Variants in PLA1A observed in about 807,000 individuals in gnomAD.
PLA1A encodes the protein phospholipase A1 member A, also known as phosphatidylserine-specific phospholipase A1alpha.
In PLA1A, 47 loss-of-function variants were observed where a neutral mutation model predicts 49.4. The ratio of observed to expected loss-of-function variants is 0.95; its 90% CI spans 0.75 to 1.21. The LOEUF (loss-of-function observed/expected upper bound fraction) is 1.21, where lower values mean the gene tolerates loss of function less well. Among genes scored for constraint, PLA1A ranks in the 50% most tolerant of loss-of-function variants. The pLI is 0.00. For missense variants in PLA1A, 561 were observed against 563.9 expected (o/e 0.99, Z 0.05); for synonymous variants, 224 against 207.9 (o/e 1.08, Z -0.67).
At chr3:119,618,979 C>T (rs1451749280) in intron 7 of PLA1A, among the ~76,000 whole-genome samples, 2 of 152,204 alleles carry the variant, frequency 1.3e-5, no homozygotes, top group Non-Finnish European at 2.9e-5. Flanking sequence ...GTGCATATGT[C>T]AGTTTCCCCT....
rs1323697921 is a variant in PLA1A at position 119,598,002 on chromosome 3, G to C, written c.73+16G>C. On this transcript the variant is annotated intron_variant, in intron 1 of 10. Coordinates refer to ENST00000273371, the MANE Select transcript of PLA1A (RefSeq NM_015900.4). ...GGAAGTTCAGGTAAGCCAGGGCTCA[G>C]GCCTTGGGAGGAACTTATTTCAGTC... 1.3e-6 allele frequency: 2 copies of C among 1,523,128 alleles called. No homozygotes were observed. The highest frequency in any genetic ancestry group is 1.8e-6 in the Non-Finnish European group (2 of 1,105,282). The allele number at this position is 1,523,128 out of a possible 1,614,324, so 94.4% of individuals were successfully genotyped here. A position where few individuals can be genotyped will look rare whatever the true frequency, so the allele number is the denominator to read the frequency against.
rs1553795338 is a variant in PLA1A, at chr3:119,629,503, T to TTA, written c.*36_*37insAT. On this transcript the variant is annotated 3_prime_UTR_variant, in exon 11 of 11. Coordinates refer to ENST00000273371, the MANE Select transcript of PLA1A (RefSeq NM_015900.4). ...GGCAGGACACATCTCCCTGCATTTT[T>TTA]TTTTTTTTTTTGAGAGAGAGGTGTG... 2.8e-5 allele frequency: 33 copies of TTA among 1,193,860 alleles called. No homozygotes were observed. In the African/African-American group the frequency reaches 4.0e-4, roughly 14 times the overall value. 74.0% of individuals were successfully genotyped at this position (1,193,860 alleles called of 1,614,324 possible).
intron 1 of PLA1A, among the ~76,000 whole-genome samples, chr3:119,604,192 G>T (rs1166941701): frequency 6.6e-6 from 1 of 152,170 alleles, no homozygotes; most frequent in Non-Finnish European, 1.5e-5. Context: ...ATACGATGGA[G>T]GCTCCTCAGA....
In PLA1A at chr3:119,626,573, G is replaced by T. The variant is rs1398483720; in HGVS notation, c.1121+1341G>T. Among the ~76,000 whole-genome samples the T allele has an allele frequency of 3.3e-5, 5 of 152,184 alleles. No homozygotes were observed. The East Asian group carries it at 9.6e-4, about 29-fold the overall frequency. ...GAGCCAGACCCTGCCAGGCCTTGAAGGACAGGTTTTTATCCTGAGAGTAGT... is the reference window on the plus strand; with the variant it reads ...GAGCCAGACCCTGCCAGGCCTTGAATGACAGGTTTTTATCCTGAGAGTAGT... On this transcript the variant is annotated intron_variant, in intron 9 of 10. Coordinates refer to ENST00000273371, the MANE Select transcript of PLA1A (RefSeq NM_015900.4).
chr3:119,625,177 A>G lies in PLA1A; in HGVS notation c.1066A>G (p.Asn356Asp). Reference protein sequence around the residue: ...HLKELRNKDTNIEVTFLSSNI... With the variant: ...HLKELRNKDTDIEVTFLSSNI... ...GAAGGAACTGAGAAACAAGGACACC[A>G]ACATCGAGGTTACCTTCCTTAGCAG... is the stretch of plus-strand genomic sequence containing the variant. Residue 356 changes from asparagine to aspartate, a missense_variant, in exon 9 of 11, where the codon AAC becomes GAC. Asn to Asp is a conservative substitution (Grantham distance 23). Coordinates refer to ENST00000273371, the MANE Select transcript of PLA1A (RefSeq NM_015900.4). The G allele has an allele frequency of 6.2e-7, 1 of 1,613,966 alleles. No homozygotes were observed. Among genetic ancestry groups the G allele is most frequent in the Non-Finnish European group, 8.5e-7 (1 of 1,179,828 alleles).
rs766282189 is a variant in PLA1A at position 119,613,026 on chromosome 3, C to T, written c.572C>T (p.Pro191Leu). ...GQLGQITGLDPAGPEYTRASV... is the reference protein window; with the variant it reads ...GQLGQITGLDLAGPEYTRASV... Reference sequence around the variant, plus strand: ...CAGTCTCTTCTCACAGGCCTGGACCCCGCTGGACCTGAGTACACCAGGGCC... The same window carrying T: ...CAGTCTCTTCTCACAGGCCTGGACCTCGCTGGACCTGAGTACACCAGGGCC... The change falls in exon 5 of 11, where the codon CCC becomes CTC. Residue 191 changes from proline (P) to leucine (L), a missense_variant. Physicochemically the swap from Pro to Leu is moderately conservative, Grantham distance 98. Coordinates refer to ENST00000273371, the MANE Select transcript of PLA1A (RefSeq NM_015900.4). The T allele has an allele frequency of 1.3e-6, 2 of 1,594,120 alleles. No homozygotes were observed. The highest frequency in any genetic ancestry group is 2.7e-5 in the African/African-American group (2 of 74,508).
At chr3:119,613,345 T>C (rs1160944002) in intron 5 of PLA1A, among the ~76,000 whole-genome samples, 1 of 152,268 alleles carries the variant, frequency 6.6e-6, no homozygotes, top group African/African-American at 2.4e-5. Flanking sequence ...AGGATTCTCA[T>C]TTATAGACCA....
chr3:119,618,545 T>C (rs893070597), intron 7 of PLA1A, among the ~76,000 whole-genome samples: 28 of 152,168 alleles, frequency 1.8e-4, no homozygotes, highest in African/African-American at 6.8e-4. Flanking sequence ...CCTAAATCTA[T>C]GGTGGGGAAT....
intron 4 of PLA1A, among the ~76,000 whole-genome samples, chr3:119,609,986 C>CT (rs1168768852): frequency 1.3e-5 from 2 of 152,118 alleles, no homozygotes; most frequent in Non-Finnish European, 2.9e-5. Context: ...TTTCCTCCCC[C>CT]TTTTGAAATC....
At chr3:119,605,139 G>A (rs1269331045) in intron 1 of PLA1A, among the ~76,000 whole-genome samples, 1 of 152,180 alleles carries the variant, frequency 6.6e-6, no homozygotes, top group Non-Finnish European at 1.5e-5. Context: ...GGGGGAGGCT[G>A]ATAAAATGAT....
Position 119,629,583 on chromosome 3 carries a change from CAA to C in PLA1A, c.*117_*118del. 4.6e-6 allele frequency: 3 copies of C among 654,878 alleles called. No individual in the cohort carries two copies. Among genetic ancestry groups the C allele is most frequent in the Non-Finnish European group, 8.2e-6 (3 of 366,108 alleles). 40.6% of individuals were successfully genotyped at this position (654,878 alleles called of 1,614,324 possible). ...AGACCATTACTACTAAGGAGAAAAG[CAA>C]AGCTCTTTCTTATTTTCCTCATAAT... On this transcript the variant is annotated 3_prime_UTR_variant, in exon 11 of 11. Transcript: ENST00000273371.
intron 1 of PLA1A, 21 bp from the exon 2 acceptor site, chr3:119,606,753 T>C (rs1173485467): frequency 6.3e-7 from 1 of 1,592,478 alleles, no homozygotes; most frequent in Non-Finnish European, 8.6e-7. Context: ...ATGTTGCTTG[T>C]TTTGTTTTGT....
At position 119,629,528 on chromosome 3, in the gene PLA1A, G is replaced by C. The variant is rs1383645507; in HGVS notation, c.*60G>C. 1.1e-5 allele frequency: 9 copies of C among 856,358 alleles called. No individual in the cohort carries two copies. The highest frequency in any genetic ancestry group is 1.8e-5 in the Non-Finnish European group (9 of 497,460). The allele number at this position is 856,358 out of a possible 1,614,324, so 53.0% of individuals were successfully genotyped here. A position where few individuals can be genotyped will look rare whatever the true frequency, so the allele number is the denominator to read the frequency against. On this transcript the variant is annotated 3_prime_UTR_variant, in exon 11 of 11. Coordinates refer to ENST00000273371, the MANE Select transcript of PLA1A (RefSeq NM_015900.4). ...TTTTTTTTTTTTGAGAGAGAGGTGT[G>C]ATGAGGGATGTGTGTGTGCAGCTTA...
chr3:119,628,690 T>C lies in PLA1A; in HGVS notation c.1122-11T>C, dbSNP rs755282900. On this transcript the variant is annotated splice_polypyrimidine_tract_variant and intron_variant, in intron 9 of 10. Coordinates refer to ENST00000273371, the MANE Select transcript of PLA1A (RefSeq NM_015900.4). ...ACAGTCATTTACTTTCCCTTTACCCTTTTCTTGCAGACCTAAGCAGCAACG... is the reference window on the plus strand; with the variant it reads ...ACAGTCATTTACTTTCCCTTTACCCCTTTCTTGCAGACCTAAGCAGCAACG... 3 of 1,613,052 alleles carry C rather than the reference T, an allele frequency of 1.9e-6. No homozygotes were observed. The highest frequency in any genetic ancestry group is 2.5e-6 in the Non-Finnish European group (3 of 1,179,144).
chr3:119,603,500 T>C (rs1355662173), intron 1 of PLA1A, among the ~76,000 whole-genome samples: 4 of 152,234 alleles, frequency 2.6e-5, no homozygotes, highest in African/African-American at 9.7e-5. Flanking sequence ...AACTATTACC[T>C]TTATATTTCT....
chr3:119,615,957 G>A (rs535950643), intron 5 of PLA1A, 55 bp from the exon 6 acceptor site: 33 of 1,164,928 alleles, frequency 2.8e-5, no homozygotes, highest in East Asian at 2.4e-4. Flanking sequence ...TTTGAGGTCC[G>A]CTGTGAGCCG....
chr3:119,618,787 C>G (rs2082888905), intron 7 of PLA1A, among the ~76,000 whole-genome samples: 1 of 152,096 alleles, frequency 6.6e-6, no homozygotes, highest in African/African-American at 2.4e-5. Context: ...AGGAAAAACT[C>G]CTGGGCAGTG....
chr3:119,623,717 C>CTTT (rs35309675), intron 8 of PLA1A, among the ~76,000 whole-genome samples: 98 of 101,492 alleles, frequency 9.7e-4, no homozygotes, highest in African/African-American at 2.4e-3. Context: ...TTCTCTCTTT[C>CTTT]TTTTTTTTTT....
intron 9 of PLA1A, among the ~76,000 whole-genome samples, chr3:119,626,252 C>T (rs1231903977): frequency 6.6e-6 from 1 of 152,210 alleles, no homozygotes; most frequent in Non-Finnish European, 1.5e-5. Context: ...AGCCACCCAC[C>T]TGAGCATGCT....
Sources: gnomAD v4.1 joint callset for allele counts (sites outside exome capture counted in the v4.1 genomes callset) on GRCh38, gnomAD v4.1.1 for gene constraint, MANE v1.5 for transcripts, NCBI Gene and HGNC (gene_info 2026-07-23, HGNC 2026-07-21) for gene names.